SLC25A48: variants seen among roughly 807,000 people sequenced by gnomAD.
SLC25A48 encodes CTC-321K16.1.
A neutral mutation model predicts 32.2 loss-of-function variants in SLC25A48; 29 were observed. That is an observed-to-expected ratio of 0.90 (90% CI 0.67 to 1.23). The LOEUF is 1.23. SLC25A48 is among the 50% of genes most tolerant of loss of function. The probability of loss-of-function intolerance (pLI) is 0.00; values close to 1 mark genes in which losing one functional copy is unlikely to be tolerated. For missense variants in SLC25A48, 399 were observed against 422.7 expected (o/e 0.94, Z 0.49); for synonymous variants, 164 against 172.3 (o/e 0.95, Z 0.38).
chr5:135,778,835 A>ACCCCCC (rs1440052779), intron 3 of SLC25A48, among the ~76,000 whole-genome samples: 12 of 114,648 alleles, frequency 1.0e-4, no homozygotes, highest in Non-Finnish European at 1.6e-4. Flanking sequence ...AGTGGTGTAC[A>ACCCCCC]CACACCCCCC....
At chr5:135,719,429 G>A (rs917959524) in intron 3 of SLC25A48, among the ~76,000 whole-genome samples, 4 of 152,114 alleles carry the variant, frequency 2.6e-5, no homozygotes, top group African/African-American at 9.7e-5. Flanking sequence ...CAGAAGTTGG[G>A]GAGAAGCACA....
chr5:135,581,651 C>T (rs17734332), intron 1 of SLC25A48, among the ~76,000 whole-genome samples: 2,496 of 152,324 alleles, frequency 0.016, 28 homozygotes, highest in South Asian at 0.033. Context: ...TATGGACCAA[C>T]GTTCCCCAGC....
rs1393834910 is a variant in SLC25A48 at position 135,888,634 on chromosome 5, T to C, written c.*610T>C. On this transcript the variant is annotated 3_prime_UTR_variant, in exon 8 of 8. Transcript: ENST00000681962. ...TAAATGAAAGTTTCTTTATTTTTTATTAACTAAATTGAGATTTTTTTCAAG... is the reference window on the plus strand; with the variant it reads ...TAAATGAAAGTTTCTTTATTTTTTACTAACTAAATTGAGATTTTTTTCAAG... The C allele has an allele frequency of 1.3e-5, 2 of 152,336 alleles. No homozygotes were observed. Among genetic ancestry groups the C allele is most frequent in the Non-Finnish European group, 2.9e-5 (2 of 68,106 alleles). The allele number at this position is 152,336 out of a possible 1,614,324, so 9.4% of individuals were successfully genotyped here. A position where few individuals can be genotyped will look rare whatever the true frequency, so the allele number is the denominator to read the frequency against.
At chr5:135,717,758 C>T (rs1754840683) in intron 3 of SLC25A48, among the ~76,000 whole-genome samples, 1 of 152,160 alleles carries the variant, frequency 6.6e-6, no homozygotes, top group South Asian at 2.1e-4. Flanking sequence ...TGAGAGGGAG[C>T]ACAGCCCTGC....
intron 1 of SLC25A48, among the ~76,000 whole-genome samples, chr5:135,603,239 C>G (rs1027519110): frequency 1.3e-5 from 2 of 152,234 alleles, no homozygotes; most frequent in African/African-American, 4.8e-5. Context: ...TCCCTCTAGG[C>G]TCCTGAGGCC....
At chr5:135,819,313 C>G (rs937021465) in intron 4 of SLC25A48, among the ~76,000 whole-genome samples, 1 of 152,094 alleles carries the variant, frequency 6.6e-6, no homozygotes, top group East Asian at 1.9e-4. Context: ...TATCTGTTAC[C>G]ACTTACAAAG....
At chr5:135,636,195 T>C (rs1477346975) in intron 3 of SLC25A48, among the ~76,000 whole-genome samples, 1 of 152,194 alleles carries the variant, frequency 6.6e-6, no homozygotes, top group East Asian at 1.9e-4. Context: ...CCAGTTAATT[T>C]CATTCGACAA....
intron 2 of SLC25A48, among the ~76,000 whole-genome samples, chr5:135,844,941 A>T (rs1416847855): frequency 1.3e-5 from 2 of 152,204 alleles, no homozygotes; most frequent in Non-Finnish European, 2.9e-5. Context: ...AGGCTGACTT[A>T]ATATAAGTGA....
At chr5:135,620,371 A>G (rs1386303457) in intron 1 of SLC25A48, among the ~76,000 whole-genome samples, 2 of 152,092 alleles carry the variant, frequency 1.3e-5, no homozygotes, top group Non-Finnish European at 2.9e-5. Flanking sequence ...AGTGGTATAT[A>G]TGGGTGCTGA....
chr5:135,877,535 T>TATTCATTCATTCATTTACTC (rs1173700683), intron 6 of SLC25A48, among the ~76,000 whole-genome samples: 2 of 152,232 alleles, frequency 1.3e-5, no homozygotes, highest in Non-Finnish European at 2.9e-5. Context: ...AAAATTCATT[T>TATTCATTCATTCATTTACTC]ATTCATTCAT....
chr5:135,645,093 T>C (rs1004612041), intron 3 of SLC25A48, among the ~76,000 whole-genome samples: 21 of 152,350 alleles, frequency 1.4e-4, no homozygotes, highest in Middle Eastern at 3.4e-3. Flanking sequence ...CAGTTTGGAA[T>C]GAAACCAACT....
intron 3 of SLC25A48, among the ~76,000 whole-genome samples, chr5:135,779,782 C>G (rs1354811163): frequency 8.6e-6 from 1 of 116,558 alleles, no homozygotes; most frequent in Non-Finnish European, 2.1e-5. Flanking sequence ...TAATATCCAA[C>G]TGGGGAGAGG....
At chr5:135,778,645 G>A (rs1301211705) in intron 3 of SLC25A48, among the ~76,000 whole-genome samples, 1 of 149,726 alleles carries the variant, frequency 6.7e-6, no homozygotes, top group Non-Finnish European at 1.5e-5. Flanking sequence ...CTTTCAGTGT[G>A]AGAGAGGGTG....
intron 3 of SLC25A48, among the ~76,000 whole-genome samples, chr5:135,652,024 CA>C (rs747248332): frequency 6.6e-6 from 1 of 152,222 alleles, no homozygotes; most frequent in East Asian, 1.9e-4. Flanking sequence ...GACAAAATAA[CA>C]TGCTCAGAAG....
intron 1 of SLC25A48, among the ~76,000 whole-genome samples, chr5:135,595,682 G>T (rs1207836966): frequency 1.3e-5 from 2 of 152,174 alleles, no homozygotes; most frequent in Non-Finnish European, 2.9e-5. Context: ...ATGTGTGACT[G>T]CTCTGAGACT....
At chr5:135,839,303 G>A (rs891995747) in intron 1 of SLC25A48, among the ~76,000 whole-genome samples, 3 of 152,162 alleles carry the variant, frequency 2.0e-5, no homozygotes, top group African/African-American at 7.2e-5. Context: ...TCTTGCATTA[G>A]TGTGACCTGG....
At chr5:135,869,427 G>GT (rs1184109786) in intron 4 of SLC25A48, among the ~76,000 whole-genome samples, 4 of 152,246 alleles carry the variant, frequency 2.6e-5, no homozygotes, top group African/African-American at 9.6e-5. Context: ...AAGGAAAACA[G>GT]TACAGGATTT....
Position 135,834,836 on chromosome 5 carries a change from C to A in SLC25A48, c.-12C>A, listed in dbSNP as rs766923464. 4.8e-5 allele frequency: 76 copies of A among 1,591,972 alleles called. No individual in the cohort carries two copies. The highest frequency in any genetic ancestry group is 6.5e-5 in the Non-Finnish European group (76 of 1,169,902). On this transcript the variant is annotated 5_prime_UTR_variant, in exon 1 of 8. Coordinates refer to ENST00000681962, the MANE Select transcript of SLC25A48 (RefSeq NM_001349336.2). ...TGCCCCGGCTCCGGGAGGGCGAGAC[C>A]GAGCGCCGGCCATGGGAAGCTTCCA...
chr5:135,843,491 A>G (rs1759169456), intron 2 of SLC25A48, among the ~76,000 whole-genome samples: 1 of 152,334 alleles, frequency 6.6e-6, no homozygotes, highest in East Asian at 1.9e-4. Flanking sequence ...CTGATGGACA[A>G]TAATTAGGGA....
Sources: allele counts gnomAD v4.1 joint callset (sites outside exome capture counted in the v4.1 genomes callset), GRCh38; gene constraint gnomAD v4.1.1; transcripts MANE v1.5; gene names NCBI Gene and HGNC (gene_info 2026-07-23, HGNC 2026-07-21).